The following TMEM263 variants were observed in gnomAD, a reference collection of about 807,000 sequenced individuals.
TMEM263 encodes the protein transmembrane protein 263.
TMEM263 carries 5 observed loss-of-function variants against 8.6 expected under a neutral mutation model. The observed-to-expected ratio is 0.58, with a 90% CI of 0.31 to 1.23. The LOEUF (loss-of-function observed/expected upper bound fraction) is 1.23, where lower values mean the gene tolerates loss of function less well. Among genes scored for constraint, TMEM263 ranks in the 50% most tolerant of loss-of-function variants. The pLI, the probability that TMEM263 is intolerant of heterozygous loss-of-function variation, is 0.07. For synonymous variants in TMEM263, 50 were observed against 47.9 expected (o/e 1.04, Z -0.18); for missense variants, 104 against 138.8 (o/e 0.75, Z 1.26).
At chr12:106,961,059 C>G (rs1446646720) in intron 2 of TMEM263, among the ~76,000 whole-genome samples, 3 of 143,918 alleles carry the variant, frequency 2.1e-5, no homozygotes, top group Non-Finnish European at 3.0e-5. Context: ...CTGTCCTGTC[C>G]TGTCCTATCG....
In TMEM263 at chr12:106,955,969, C is replaced by G; in HGVS notation, c.-171C>G. On this transcript the variant is annotated 5_prime_UTR_variant, in exon 1 of 4. Transcript: ENST00000280756. ...GGAGCCGCGACTGCCCGGGGTTGTG[C>G]CGGCCGCCGCTGCCGCCCAGGCCGC... 1.0e-6 allele frequency: 1 copy of G among 986,508 alleles called. No individual in the cohort carries two copies. The highest frequency in any genetic ancestry group is 1.2e-6 in the Non-Finnish European group (1 of 830,924). 61.1% of individuals were successfully genotyped at this position (986,508 alleles called of 1,614,324 possible).
chr12:106,958,398 G>T (rs902065520), intron 2 of TMEM263, among the ~76,000 whole-genome samples: 1 of 152,096 alleles, frequency 6.6e-6, no homozygotes, highest in Non-Finnish European at 1.5e-5. Flanking sequence ...AGAGGTGTTT[G>T]TTTACTTATT....
intron 3 of TMEM263, among the ~76,000 whole-genome samples, chr12:106,970,241 A>C (rs940955560): frequency 6.6e-6 from 1 of 152,180 alleles, no homozygotes; most frequent in African/African-American, 2.4e-5. Flanking sequence ...ATGCCTTTAC[A>C]ATGTCAAAAA....
intron 2 of TMEM263, among the ~76,000 whole-genome samples, chr12:106,962,727 A>G (rs1951795926): frequency 6.6e-6 from 1 of 152,212 alleles, no homozygotes; most frequent in Non-Finnish European, 1.5e-5. Context: ...CTTGTTCAGA[A>G]ACAAGTCCTT....
At chr12:106,964,397 T>C (rs933465687) in intron 2 of TMEM263, among the ~76,000 whole-genome samples, 2 of 152,190 alleles carry the variant, frequency 1.3e-5, no homozygotes, top group African/African-American at 2.4e-5. Context: ...CACCATCCTG[T>C]ATAATTTGTT....
intron 2 of TMEM263, among the ~76,000 whole-genome samples, chr12:106,962,142 A>T (rs550307485): frequency 1.4e-4 from 22 of 152,352 alleles, no homozygotes; most frequent in African/African-American, 5.1e-4. Flanking sequence ...ATACTATATT[A>T]TACTGTGAAT....
rs1566227268 is a variant in TMEM263, at chr12:106,971,564, A to G, written c.*173A>G. ...AAGAAGAGACCAATACGAGCACAGT[A>G]TATGAAGGTTTCTCATACTTAAGTT... On this transcript the variant is annotated 3_prime_UTR_variant, in exon 4 of 4. Transcript: ENST00000280756. The G allele has an allele frequency of 3.6e-6, 2 of 557,474 alleles. No homozygotes were observed. Among genetic ancestry groups the G allele is most frequent in the Non-Finnish European group, 5.8e-6 (2 of 345,066 alleles). 34.5% of individuals were successfully genotyped at this position (557,474 alleles called of 1,614,324 possible).
In TMEM263 at chr12:106,972,897, A is replaced by AG. The variant is rs1162447091; in HGVS notation, c.*1512dup. On this transcript the variant is annotated 3_prime_UTR_variant, in exon 4 of 4. Coordinates refer to ENST00000280756, the MANE Select transcript of TMEM263 (RefSeq NM_152261.4). ...TTTTTTTTATAGTGGAGGGGAGGAA[A>AG]GGGGGGTGATACCTTGCAGTAAGTA... 6.9e-6 allele frequency: 1 copy of AG among 145,028 alleles called. No individual in the cohort carries two copies. Among genetic ancestry groups the AG allele is most frequent in the Non-Finnish European group, 1.5e-5 (1 of 66,582 alleles). The allele number at this position is 145,028 out of a possible 1,614,324, so 9.0% of individuals were successfully genotyped here. A position where few individuals can be genotyped will look rare whatever the true frequency, so the allele number is the denominator to read the frequency against.
chr12:106,956,160 C>T (rs1197574933), intron 1 of TMEM263, 95 bp downstream of exon 1: 2 of 618,220 alleles, frequency 3.2e-6, no homozygotes, highest in Non-Finnish European at 4.0e-6. Flanking sequence ...CCTCACCTCC[C>T]AGTGCCCGGC....
rs894348449 is a variant in TMEM263, at chr12:106,973,930, A to C, written c.*2539A>C. On this transcript the variant is annotated 3_prime_UTR_variant, in exon 4 of 4. Coordinates refer to ENST00000280756, the MANE Select transcript of TMEM263 (RefSeq NM_152261.4). ...AACTGATGAATAATTTTTTTGTATTAAAGGGATGGGAAAAGAACACATGAA... is the reference window on the plus strand; with the variant it reads ...AACTGATGAATAATTTTTTTGTATTCAAGGGATGGGAAAAGAACACATGAA... 1 of 152,566 alleles carries C rather than the reference A, an allele frequency of 6.6e-6. No homozygotes were observed. Among genetic ancestry groups the C allele is most frequent in the Non-Finnish European group, 1.5e-5 (1 of 68,020 alleles). 9.5% of individuals were successfully genotyped at this position (152,566 alleles called of 1,614,324 possible).
chr12:106,970,471 C>T (rs555237564), intron 3 of TMEM263, among the ~76,000 whole-genome samples: 8 of 152,316 alleles, frequency 5.3e-5, no homozygotes, highest in Non-Finnish European at 1.2e-4. Flanking sequence ...TGGATTAATG[C>T]AAGACAGCTA....
At chr12:106,967,069 G>A (rs1248907252) in intron 2 of TMEM263, 42 bp from the exon 3 acceptor site, 2 of 1,316,910 alleles carry the variant, frequency 1.5e-6, no homozygotes, top group Admixed American at 2.0e-5. Context: ...AGTCTCACAT[G>A]TTGAGGTTAA....
At chr12:106,969,063 GTATT>G (rs1464731018) in intron 3 of TMEM263, among the ~76,000 whole-genome samples, 3 of 152,138 alleles carry the variant, frequency 2.0e-5, no homozygotes, top group Admixed American at 1.3e-4. Flanking sequence ...TGCTGTATCT[GTATT>G]TATGCACTAT....
At chr12:106,964,515 C>T (rs777056980) in intron 2 of TMEM263, among the ~76,000 whole-genome samples, 3 of 152,204 alleles carry the variant, frequency 2.0e-5, no homozygotes, top group Non-Finnish European at 4.4e-5. Context: ...TCAAGAACCT[C>T]CTTTCCCAGT....
At chr12:106,964,015 G>C (rs1454483315) in intron 2 of TMEM263, among the ~76,000 whole-genome samples, 1 of 152,030 alleles carries the variant, frequency 6.6e-6, no homozygotes, top group Non-Finnish European at 1.5e-5. Context: ...TCTGTTGATT[G>C]CCCAGCCAAG....
In TMEM263 at chr12:106,965,285, A is replaced by G. The variant is rs139540670; in HGVS notation, c.-6-1826A>G. Among the ~76,000 whole-genome samples the G allele has an allele frequency of 4.0e-3, 606 of 152,132 alleles. 1 individual carries two copies. The highest frequency in any genetic ancestry group is 0.014 in the African/African-American group (580 of 41,524). On this transcript the variant is annotated intron_variant, in intron 2 of 3. Transcript: ENST00000280756. ...CATCGCAGTAAAGCCTTCACAGACTATCCTATCTAAAATATCATATCCTCT... is the reference window on the plus strand; with the variant it reads ...CATCGCAGTAAAGCCTTCACAGACTGTCCTATCTAAAATATCATATCCTCT...
chr12:106,962,691 A>G (rs186228313), intron 2 of TMEM263, among the ~76,000 whole-genome samples: 23 of 151,938 alleles, frequency 1.5e-4, no homozygotes, highest in African/African-American at 5.6e-4. Flanking sequence ...ACAAGTGTGG[A>G]TGCCCTGAAG....
chr12:106,970,359 A>G (rs1383529471), intron 3 of TMEM263, among the ~76,000 whole-genome samples: 1 of 150,942 alleles, frequency 6.6e-6, no homozygotes, highest in Non-Finnish European at 1.5e-5. Flanking sequence ...AACATAATTA[A>G]AATATTTTTA....
At chr12:106,960,184 G>A (rs938940381) in intron 2 of TMEM263, among the ~76,000 whole-genome samples, 3 of 151,978 alleles carry the variant, frequency 2.0e-5, no homozygotes, top group Non-Finnish European at 4.4e-5. Flanking sequence ...ACAGGCATGC[G>A]CCACCATGCC....
Sources: gnomAD v4.1 joint callset for allele counts (sites outside exome capture counted in the v4.1 genomes callset) on GRCh38, gnomAD v4.1.1 for gene constraint, MANE v1.5 for transcripts, NCBI Gene and HGNC (gene_info 2026-07-23, HGNC 2026-07-21) for gene names.